Variants in UPF3A observed in about 807,000 individuals in gnomAD.
The protein encoded by UPF3A is regulator of nonsense transcripts 3A.
UPF3A carries 42 observed loss-of-function variants against 53.5 expected under a neutral mutation model. The ratio of observed to expected loss-of-function variants is 0.78; its 90% CI spans 0.61 to 1.01. UPF3A has a LOEUF of 1.01. Among genes scored for constraint, UPF3A ranks in the 50% least tolerant of loss-of-function variants. The probability of loss-of-function intolerance (pLI) is 0.00; values close to 1 mark genes in which losing one functional copy is unlikely to be tolerated. For missense variants in UPF3A, 575 were observed against 598.0 expected (o/e 0.96, Z 0.40); for synonymous variants, 237 against 225.3 (o/e 1.05, Z -0.47).
chr13:114,291,394 T>C, intron 5 of UPF3A, 95 bp from the exon 6 acceptor site: 1 of 1,184,930 alleles, frequency 8.4e-7, no homozygotes, highest in Non-Finnish European at 1.2e-6. Flanking sequence ...ATGATATGGT[T>C]CCCGTATTTA....
chr13:114,282,091 C>T lies in UPF3A; in HGVS notation c.278C>T (p.Ala93Val), dbSNP rs2084116613. ...GAGGAGCAGCTGCGCCCGCTGCCAG[C>T]ACACGACTACTTCGAGTTCTTCGCC... ...QLEEQLRPLPAHDYFEFFAAD... is the reference protein window; with the variant it reads ...QLEEQLRPLPVHDYFEFFAAD... The change falls in exon 2 of 10, where the codon GCA becomes GTA. Residue 93 changes from alanine to valine, a missense_variant. By Grantham distance (64) the Ala-to-Val change is moderately conservative (BLOSUM62 0). Coordinates refer to ENST00000375299, the MANE Select transcript of UPF3A (RefSeq NM_023011.4). The T allele has an allele frequency of 1.3e-6, 2 of 1,579,002 alleles. No individual in the cohort carries two copies. The highest frequency in any genetic ancestry group is 1.7e-6 in the Non-Finnish European group (2 of 1,163,556).
At chr13:114,284,710 A>G (rs988907661) in intron 3 of UPF3A, among the ~76,000 whole-genome samples, 1 of 152,146 alleles carries the variant, frequency 6.6e-6, no homozygotes, top group Non-Finnish European at 1.5e-5. Flanking sequence ...AAAAAAAAAA[A>G]AGTCACAAAA....
At chr13:114,297,651 A>C (rs1380689729) in intron 7 of UPF3A, among the ~76,000 whole-genome samples, 1 of 152,096 alleles carries the variant, frequency 6.6e-6, no homozygotes, top group Non-Finnish European at 1.5e-5. Flanking sequence ...CAACATGATG[A>C]AATCCCATCT....
Position 114,291,623 on chromosome 13 carries a change from C to T in UPF3A, c.688-11C>T, listed in dbSNP as rs147776975. The T allele has an allele frequency of 3.7e-6, 6 of 1,605,016 alleles. No individual in the cohort carries two copies. In the African/African-American group the frequency reaches 8.1e-5, roughly 22 times the overall value. ...CAGGCAGTTTATACACACGCTCTTCCATGTCTTTAGAGAATTCGAGAAGAG... is the reference window on the plus strand; with the variant it reads ...CAGGCAGTTTATACACACGCTCTTCTATGTCTTTAGAGAATTCGAGAAGAG... On this transcript the variant is annotated splice_polypyrimidine_tract_variant and intron_variant, in intron 6 of 9. Transcript: ENST00000375299.
intron 2 of UPF3A, 179 bp downstream of exon 2, chr13:114,282,306 A>T (rs1376174596): frequency 1.2e-6 from 1 of 838,934 alleles, no homozygotes; most frequent in East Asian, 3.0e-5. Flanking sequence ...ACCACCAACA[A>T]AGAAACACAG....
chr13:114,282,141 CG>C lies in UPF3A; in HGVS notation c.314+15del. 1 of 1,542,142 alleles carries C rather than the reference CG, an allele frequency of 6.5e-7. No individual in the cohort carries two copies. The highest frequency in any genetic ancestry group is 1.4e-5 in the African/African-American group (1 of 73,024). On this transcript the variant is annotated intron_variant, in intron 2 of 9. Coordinates refer to ENST00000375299, the MANE Select transcript of UPF3A (RefSeq NM_023011.4). ...CGCCGACCTGAGGTGAGGCCCGCCCCGAGGGGAGGAAGAGAGGGCGGAACCC... is the reference window on the plus strand; with the variant it reads ...CGCCGACCTGAGGTGAGGCCCGCCCCAGGGGAGGAAGAGAGGGCGGAACCC...
At chr13:114,295,091 G>A (rs551548758) in intron 7 of UPF3A, among the ~76,000 whole-genome samples, 22 of 143,232 alleles carry the variant, frequency 1.5e-4, no homozygotes, top group East Asian at 6.0e-4. Context: ...CAGCCTGGGC[G>A]ACAGAGCAAG....
intron 7 of UPF3A, among the ~76,000 whole-genome samples, chr13:114,292,319 A>C (rs931137613): frequency 1.4e-5 from 2 of 147,954 alleles, no homozygotes; most frequent in Non-Finnish European, 3.0e-5. Context: ...CAAGGCGTAC[A>C]CGTGCAGATG....
rs757240245 is a variant in UPF3A, at chr13:114,282,847, C to T, written c.325C>T (p.His109Tyr). 8.7e-6 allele frequency: 14 copies of T among 1,606,244 alleles called. No individual in the cohort carries two copies. The East Asian group carries it at 2.0e-4, about 23-fold the overall frequency. ...FFAADLSLYP[H>Y]LYSRAYINFR... is the part of the protein sequence containing the mutation. ...TATCTCTTATTTCAGTCTTTATCCT[C>T]ATCTCTACTCAAGAGCATACATTAA... Residue 109 changes from histidine to tyrosine, a missense_variant, in exon 3 of 10, where the codon CAT (histidine) becomes TAT (tyrosine). By Grantham distance (83) the His-to-Tyr change is moderately conservative. Coordinates refer to ENST00000375299, the MANE Select transcript of UPF3A (RefSeq NM_023011.4).
At chr13:114,296,056 A>G (rs1165355350) in intron 7 of UPF3A, among the ~76,000 whole-genome samples, 1 of 152,146 alleles carries the variant, frequency 6.6e-6, no homozygotes, top group Non-Finnish European at 1.5e-5. Context: ...AATCAGTCAC[A>G]CCTACATAAT....
intron 5 of UPF3A, among the ~76,000 whole-genome samples, chr13:114,288,585 A>G (rs2084964046): frequency 6.6e-6 from 1 of 152,236 alleles, no homozygotes. Flanking sequence ...ATTCCAGGGC[A>G]ACTGGAAGCC....
intron 3 of UPF3A, chr13:114,285,689 A>G (rs953830502): frequency 1.3e-5 from 2 of 152,274 alleles, no homozygotes; most frequent in African/African-American, 2.4e-5. Flanking sequence ...TTAGTTTCTA[A>G]TGACTTCCAT....
At chr13:114,299,656 G>A (rs1015014084) in intron 8 of UPF3A, among the ~76,000 whole-genome samples, 2 of 152,190 alleles carry the variant, frequency 1.3e-5, no homozygotes, top group African/African-American at 2.4e-5. Flanking sequence ...TTATCTGCCC[G>A]GTGGGCCAGA....
intron 7 of UPF3A, 105 bp downstream of exon 7, chr13:114,291,897 A>C: frequency 7.5e-7 from 1 of 1,335,324 alleles, no homozygotes; most frequent in Non-Finnish European, 1.0e-6. Context: ...TTCTGAATTA[A>C]TCTAATATTG....
At chr13:114,291,837 A>G (rs1449525183) in intron 7 of UPF3A, 45 bp downstream of exon 7, 10 of 1,543,336 alleles carry the variant, frequency 6.5e-6, no homozygotes, top group South Asian at 3.7e-5. Context: ...TAGCTCTGCT[A>G]TAGTAATTAC....
chr13:114,284,335 C>A (rs866285551), intron 3 of UPF3A, among the ~76,000 whole-genome samples: 7 of 151,426 alleles, frequency 4.6e-5, no homozygotes, highest in Non-Finnish European at 8.8e-5. Context: ...GCATCCCAGC[C>A]GGGGCGACGG....
chr13:114,304,727 A>G (rs567775461), intron 9 of UPF3A, 62 bp from the exon 10 acceptor site: 2 of 1,567,702 alleles, frequency 1.3e-6, no homozygotes, highest in African/African-American at 2.7e-5. Context: ...AAATATAGGG[A>G]GATATTGACC....
chr13:114,304,693 A>T (rs913646581), intron 9 of UPF3A, 96 bp from the exon 10 acceptor site: 11 of 1,497,550 alleles, frequency 7.3e-6, no homozygotes, highest in Non-Finnish European at 9.0e-6. Context: ...TTTTCTTTGG[A>T]CAATTCATAT....
At chr13:114,289,612 C>G (rs193030175) in intron 5 of UPF3A, among the ~76,000 whole-genome samples, 1 of 151,744 alleles carries the variant, frequency 6.6e-6, no homozygotes, top group East Asian at 1.9e-4. Flanking sequence ...TTCTTCTGCA[C>G]AGGTCTGAGA....
Sources: gnomAD v4.1 joint callset for allele counts (sites outside exome capture counted in the v4.1 genomes callset) on GRCh38, gnomAD v4.1.1 for gene constraint, MANE v1.5 for transcripts, NCBI Gene and HGNC (gene_info 2026-07-23, HGNC 2026-07-21) for gene names.